FANK1: variants seen among roughly 807,000 people sequenced by gnomAD.
FANK1 encodes the protein fibronectin type III and ankyrin repeat domains 1.
Under a neutral mutation model 45.3 loss-of-function variants are expected in FANK1, and 44 were observed. That is an observed-to-expected ratio of 0.97 (90% CI 0.76 to 1.25). The LOEUF (loss-of-function observed/expected upper bound fraction) is 1.25. Among genes scored for constraint, FANK1 ranks in the 50% most tolerant of loss-of-function variants. The probability of loss-of-function intolerance (pLI) is 0.00; values close to 1 mark genes in which losing one functional copy is unlikely to be tolerated. For missense variants in FANK1, 391 were observed against 424.4 expected, an observed-to-expected ratio of 0.92 and a Z score of 0.69; for synonymous variants, 149 against 152.5, an observed-to-expected ratio of 0.98 and a Z score of 0.17.
rs561916060 is a variant in FANK1 at position 125,985,251 on chromosome 10, G to C, written c.192-3300G>C. 3.7e-4 allele frequency among the ~76,000 whole-genome samples: 57 copies of C among 152,296 alleles called. No homozygotes were observed. The South Asian group carries it at 4.4e-3, about 12-fold the overall frequency. On this transcript the variant is annotated intron_variant, in intron 2 of 10. Coordinates refer to ENST00000368693, the MANE Select transcript of FANK1 (RefSeq NM_145235.5). ...CTTTGACACCTTGCACTGAATTCTGGTGAGGCTTGGCTATTATATTCTCAC... is the reference window on the plus strand; with the variant it reads ...CTTTGACACCTTGCACTGAATTCTGCTGAGGCTTGGCTATTATATTCTCAC...
At chr10:125,939,963 CT>C (rs1367028912) in intron 1 of FANK1, among the ~76,000 whole-genome samples, 1 of 151,182 alleles carries the variant, frequency 6.6e-6, no homozygotes, top group African/African-American at 2.4e-5. Context: ...CAGAGTCTCG[CT>C]CTGTTGCCCA....
chr10:125,903,818 A>C (rs76730298), intron 1 of FANK1, among the ~76,000 whole-genome samples: 62 of 151,704 alleles, frequency 4.1e-4, no homozygotes, highest in African/African-American at 9.4e-4. Flanking sequence ...CTCTCTCTCT[A>C]TATATAAATA....
chr10:125,995,626 A>G (rs1037631795), intron 4 of FANK1, 128 bp downstream of exon 4: 3 of 775,332 alleles, frequency 3.9e-6, no homozygotes, highest in African/African-American at 3.4e-5. Context: ...AATGGATCTC[A>G]GGTGACTGGT....
At chr10:125,953,394 G>C (rs576456749) in intron 1 of FANK1, among the ~76,000 whole-genome samples, 1 of 152,156 alleles carries the variant, frequency 6.6e-6, no homozygotes. Context: ...CTCCTAAATA[G>C]AATGGAGTCA....
At chr10:125,975,317 G>A (rs952110846) in intron 1 of FANK1, among the ~76,000 whole-genome samples, 1 of 152,212 alleles carries the variant, frequency 6.6e-6, no homozygotes, top group East Asian at 1.9e-4. Context: ...TCACATGCAT[G>A]TGTGTTTATG....
intron 1 of FANK1, among the ~76,000 whole-genome samples, chr10:125,951,485 G>A (rs1949226841): frequency 6.6e-6 from 1 of 152,156 alleles, no homozygotes; most frequent in South Asian, 2.1e-4. Context: ...AGGTACTTAG[G>A]GACGGAAGTC....
intron 1 of FANK1, among the ~76,000 whole-genome samples, chr10:125,906,558 G>A (rs1945542297): frequency 8.5e-6 from 1 of 117,012 alleles, no homozygotes; most frequent in African/African-American, 2.8e-5. Flanking sequence ...TTACCTCCTG[G>A]AAGTGTTTTA....
chr10:126,005,056 GACCT>G lies in FANK1; in HGVS notation c.705+8_705+11del. On this transcript the variant is annotated splice_region_variant and intron_variant, in intron 7 of 10. Coordinates refer to ENST00000368693, the MANE Select transcript of FANK1 (RefSeq NM_145235.5). The stretch of plus-strand genomic sequence containing the variant: ...GATAAAGGATGGCTGTGAGGTACGG[GACCT>G]GCCTTGTTAACCACGCACATATCGT... 1.2e-6 allele frequency: 2 copies of G among 1,610,662 alleles called. No homozygotes were observed. The highest frequency in any genetic ancestry group is 2.7e-5 in the African/African-American group (2 of 74,968).
chr10:125,987,158 G>A (rs989371775), intron 2 of FANK1, among the ~76,000 whole-genome samples: 1 of 152,168 alleles, frequency 6.6e-6, no homozygotes, highest in African/African-American at 2.4e-5. Flanking sequence ...TCAGTAGGAA[G>A]TTGGGGTCAA....
intron 7 of FANK1, 147 bp downstream of exon 7, chr10:126,005,196 C>A: frequency 2.3e-6 from 2 of 862,466 alleles, no homozygotes; most frequent in Non-Finnish European, 3.4e-6. Flanking sequence ...GCCCCTGAAA[C>A]CTTAGAATGG....
chr10:125,969,924 A>C (rs1431725105), intron 1 of FANK1, among the ~76,000 whole-genome samples: 1 of 152,234 alleles, frequency 6.6e-6, no homozygotes, highest in Non-Finnish European at 1.5e-5. Flanking sequence ...CACATGTTTC[A>C]GAGAGCATGG....
At chr10:125,939,545 G>A (rs572301898) in intron 1 of FANK1, among the ~76,000 whole-genome samples, 2 of 152,206 alleles carry the variant, frequency 1.3e-5, no homozygotes, top group Non-Finnish European at 2.9e-5. Context: ...TCTTTCTGTA[G>A]GTATAGAATT....
chr10:125,960,231 G>C (rs919322550), intron 1 of FANK1: 6 of 292,402 alleles, frequency 2.1e-5, no homozygotes, highest in Middle Eastern at 1.2e-3. Context: ...GACTCCAGGA[G>C]GGGGGTTACT....
chr10:125,958,482 C>T (rs982157755), intron 1 of FANK1, among the ~76,000 whole-genome samples: 1 of 152,238 alleles, frequency 6.6e-6, no homozygotes, highest in Non-Finnish European at 1.5e-5. Flanking sequence ...AAGTGATTGG[C>T]CAGCCTTGGC....
At chr10:125,950,330 A>G (rs1473324337) in intron 1 of FANK1, among the ~76,000 whole-genome samples, 2 of 149,022 alleles carry the variant, frequency 1.3e-5, no homozygotes, top group African/African-American at 2.5e-5. Context: ...TGAACAGGCA[A>G]CCTACAAAAT....
intron 5 of FANK1, 45 bp downstream of exon 5, chr10:125,996,669 T>A: frequency 1.3e-6 from 2 of 1,579,510 alleles, no homozygotes; most frequent in Non-Finnish European, 1.7e-6. Context: ...GATTTAACTT[T>A]TTATTTTATT....
At chr10:125,911,842 T>C (rs1946037279) in intron 1 of FANK1, among the ~76,000 whole-genome samples, 1 of 152,174 alleles carries the variant, frequency 6.6e-6, no homozygotes, top group Non-Finnish European at 1.5e-5. Flanking sequence ...TCTGTTTTTT[T>C]CTCCACTGCA....
At chr10:125,939,162 G>A (rs533965185) in intron 1 of FANK1, among the ~76,000 whole-genome samples, 3 of 152,268 alleles carry the variant, frequency 2.0e-5, no homozygotes, top group African/African-American at 7.2e-5. Context: ...ACTCTTAAAT[G>A]TGAATGTGAA....
intron 1 of FANK1, among the ~76,000 whole-genome samples, chr10:125,933,330 A>G (rs1490317195): frequency 1.3e-5 from 2 of 152,032 alleles, no homozygotes; most frequent in African/African-American, 4.8e-5. Flanking sequence ...TGGTCTGTTC[A>G]GGGTATCTAA....
Sources: gnomAD v4.1 joint callset for allele counts (sites outside exome capture counted in the v4.1 genomes callset) on GRCh38, gnomAD v4.1.1 for gene constraint, MANE v1.5 for transcripts, NCBI Gene and HGNC (gene_info 2026-07-23, HGNC 2026-07-21) for gene names.